The following ZNF385D variants were observed in gnomAD, a reference collection of about 807,000 sequenced individuals.
The protein encoded by ZNF385D is zinc finger protein 385D, also known as zinc finger protein 659.
ZNF385D carries 15 observed loss-of-function variants against 35.8 expected under a neutral mutation model. That is an observed-to-expected ratio of 0.42 (90% CI 0.28 to 0.64). The LOEUF is 0.64. ZNF385D is among the 30% of genes least tolerant of loss of function. The probability of loss-of-function intolerance (pLI) is 0.23; values close to 1 mark genes in which losing one functional copy is unlikely to be tolerated. For missense variants in ZNF385D, 474 were observed against 494.6 expected (o/e 0.96, Z 0.39); for synonymous variants, 212 against 186.8 (o/e 1.13, Z -1.10).
chr3:21,536,453 T>A (rs913971744), intron 3 of ZNF385D, among the ~76,000 whole-genome samples: 5 of 152,042 alleles, frequency 3.3e-5, no homozygotes, highest in African/African-American at 7.2e-5. Context: ...ATGGTTTGAG[T>A]TGGAAAGAGG....
At chr3:21,601,202 A>G (rs964782282) in intron 2 of ZNF385D, among the ~76,000 whole-genome samples, 1 of 152,218 alleles carries the variant, frequency 6.6e-6, no homozygotes, top group African/African-American at 2.4e-5. Flanking sequence ...TTGATGGGGC[A>G]CCAAATTATT....
intron 1 of ZNF385D, among the ~76,000 whole-genome samples, chr3:21,743,347 C>T (rs2069611675): frequency 6.6e-6 from 1 of 152,194 alleles, no homozygotes; most frequent in South Asian, 2.1e-4. Context: ...TTACTATCTA[C>T]ACTAAATATA....
chr3:21,545,502 C>T (rs149638110), intron 3 of ZNF385D, among the ~76,000 whole-genome samples: 5 of 152,292 alleles, frequency 3.3e-5, no homozygotes, highest in South Asian at 2.1e-4. Context: ...GGTATACACT[C>T]CTGTGATCAG....
At chr3:22,183,245 T>A (rs1275363855) in intron 2 of ZNF385D, among the ~76,000 whole-genome samples, 1 of 152,176 alleles carries the variant, frequency 6.6e-6, no homozygotes, top group African/African-American at 2.4e-5. Context: ...GTCATCTAAC[T>A]CGGGTAGTTA....
At chr3:22,015,600 G>A (rs895646006) in intron 3 of ZNF385D, among the ~76,000 whole-genome samples, 7 of 152,060 alleles carry the variant, frequency 4.6e-5, no homozygotes, top group African/African-American at 1.7e-4. Context: ...GGAAATTTCA[G>A]CTGTGAATTC....
At chr3:21,661,956 T>A (rs569017275) in intron 2 of ZNF385D, among the ~76,000 whole-genome samples, 1 of 152,218 alleles carries the variant, frequency 6.6e-6, no homozygotes, top group African/African-American at 2.4e-5. Context: ...TTTATAAGTA[T>A]ACATTTTAAA....
At chr3:22,002,639 C>G (rs1695928021) in intron 3 of ZNF385D, among the ~76,000 whole-genome samples, 1 of 151,970 alleles carries the variant, frequency 6.6e-6, no homozygotes, top group Non-Finnish European at 1.5e-5. Flanking sequence ...TACTACAACC[C>G]TCAAATTCTG....
chr3:21,752,212 T>C (rs2070136219), upstream of ZNF385D, among the ~76,000 whole-genome samples: 1 of 152,124 alleles, frequency 6.6e-6, no homozygotes, highest in East Asian at 1.9e-4. Flanking sequence ...ATGGAAAAAA[T>C]AAACTCATAC....
intron 3 of ZNF385D, among the ~76,000 whole-genome samples, chr3:21,769,404 AG>A (rs1372164225): frequency 8.5e-6 from 1 of 117,880 alleles, no homozygotes; most frequent in Non-Finnish European, 1.7e-5. Context: ...ATACAAAATC[AG>A]TGTGCAAAAA....
intron 3 of ZNF385D, among the ~76,000 whole-genome samples, chr3:22,139,585 A>G (rs1354936922): frequency 1.3e-5 from 2 of 151,234 alleles, no homozygotes; most frequent in East Asian, 2.0e-4. Flanking sequence ...TGGACACAGG[A>G]AGGGGAACAT....
At chr3:22,018,381 T>C (rs1235523330) in intron 3 of ZNF385D, among the ~76,000 whole-genome samples, 1 of 151,960 alleles carries the variant, frequency 6.6e-6, no homozygotes, top group Non-Finnish European at 1.5e-5. Flanking sequence ...CCTTTTATAT[T>C]TATCTTGCTT....
intron 3 of ZNF385D, among the ~76,000 whole-genome samples, chr3:22,070,046 G>A (rs546542858): frequency 6.6e-6 from 1 of 152,244 alleles, no homozygotes; most frequent in South Asian, 2.1e-4. Flanking sequence ...TCTAAATTCT[G>A]AATTGTATGC....
intron 3 of ZNF385D, among the ~76,000 whole-genome samples, chr3:22,089,324 T>G (rs767621950): frequency 1.5e-4 from 23 of 152,236 alleles, no homozygotes; most frequent in African/African-American, 5.3e-4. Flanking sequence ...CATAAATTAA[T>G]TGACTCTCTA....
rs555926575 is a variant in ZNF385D at position 21,713,979 on chromosome 3, C to A, written c.22+36916G>T. On this transcript the variant is annotated intron_variant, in intron 1 of 7. Coordinates refer to ENST00000281523, the MANE Select transcript of ZNF385D (RefSeq NM_024697.3). ...TACCCTGTTCCTGATCTTTTCTCTA[C>A]CCAGCTTAAGCCTTTGGTCAATCAA... Among the ~76,000 whole-genome samples the A allele has an allele frequency of 7.2e-5, 11 of 152,268 alleles. No homozygotes were observed. In the South Asian group the frequency reaches 1.2e-3, roughly 17 times the overall value.
intron 3 of ZNF385D, among the ~76,000 whole-genome samples, chr3:21,846,369 G>A (rs1696006217): frequency 6.6e-6 from 1 of 152,014 alleles, no homozygotes; most frequent in Non-Finnish European, 1.5e-5. Context: ...GTTTGGGGTA[G>A]GAATAGTGCT....
At chr3:21,624,807 C>G (rs768007952) in intron 2 of ZNF385D, among the ~76,000 whole-genome samples, 2 of 151,938 alleles carry the variant, frequency 1.3e-5, no homozygotes, top group Non-Finnish European at 2.9e-5. Context: ...GAAGTCACTC[C>G]GCAGCTGCCA....
intron 2 of ZNF385D, among the ~76,000 whole-genome samples, chr3:22,248,751 C>T (rs1699918420): frequency 6.6e-6 from 1 of 152,142 alleles, no homozygotes; most frequent in African/African-American, 2.4e-5. Flanking sequence ...ATGGGAGTCG[C>T]CTCCATCTGT....
chr3:21,855,723 G>A (rs191641736), intron 3 of ZNF385D, among the ~76,000 whole-genome samples: 1 of 152,090 alleles, frequency 6.6e-6, no homozygotes, highest in East Asian at 1.9e-4. Context: ...AGAATGAGAA[G>A]GTGATATTAA....
intron 3 of ZNF385D, among the ~76,000 whole-genome samples, chr3:21,512,447 C>T (rs1216860267): frequency 6.6e-6 from 1 of 152,098 alleles, no homozygotes; most frequent in Non-Finnish European, 1.5e-5. Flanking sequence ...CATTACAGAA[C>T]CTGTGATAAC....
Sources: gnomAD v4.1 joint callset for allele counts (sites outside exome capture counted in the v4.1 genomes callset) on GRCh38, gnomAD v4.1.1 for gene constraint, MANE v1.5 for transcripts, NCBI Gene and HGNC (gene_info 2026-07-23, HGNC 2026-07-21) for gene names.